KAZN: variants seen among roughly 807,000 people sequenced by gnomAD.
KAZN encodes the protein kazrin.
KAZN carries 40 observed loss-of-function variants against 87.4 expected under a neutral mutation model. That is an observed-to-expected ratio of 0.46 (90% CI 0.36 to 0.60). The LOEUF is 0.60. KAZN is among the 20% of genes least tolerant of loss of function. KAZN has a pLI of 0.00. For synonymous variants in KAZN, 466 were observed against 458.3 expected, an observed-to-expected ratio of 1.02 and a Z score of -0.22; for missense variants, 898 against 1,073.9, an observed-to-expected ratio of 0.84 and a Z score of 2.29.
chr1:15,053,251 C>T (rs763812310), intron 4 of KAZN, among the ~76,000 whole-genome samples: 1 of 152,206 alleles, frequency 6.6e-6, no homozygotes, highest in Non-Finnish European at 1.5e-5. Context: ...GGAGGGAAGG[C>T]AGGTGCCGCC....
At chr1:15,022,574 C>T (rs1670789837) in intron 2 of KAZN, among the ~76,000 whole-genome samples, 1 of 152,156 alleles carries the variant, frequency 6.6e-6, no homozygotes, top group African/African-American at 2.4e-5. Flanking sequence ...CTTCCGTGGA[C>T]ACTCACTCAG....
intron 2 of KAZN, among the ~76,000 whole-genome samples, chr1:14,422,632 G>T (rs1571609647): frequency 6.6e-6 from 1 of 152,210 alleles, no homozygotes; most frequent in African/African-American, 2.4e-5. Flanking sequence ...AACAGACGAT[G>T]CTTTATATTC....
chr1:14,465,608 AG>A (rs938561621), intron 2 of KAZN, among the ~76,000 whole-genome samples: 2 of 152,084 alleles, frequency 1.3e-5, no homozygotes, highest in African/African-American at 4.8e-5. Context: ...CTTGAGACCT[AG>A]CCTCAGAAAT....
intron 1 of KAZN, among the ~76,000 whole-genome samples, chr1:14,015,765 T>G (rs566185012): frequency 8.5e-4 from 129 of 151,502 alleles, no homozygotes; most frequent in African/African-American, 3.0e-3. Context: ...ACATCTACAC[T>G]TTTATGCAAT....
chr1:14,624,686 A>G (rs182260976), intron 1 of KAZN, among the ~76,000 whole-genome samples: 85 of 152,314 alleles, frequency 5.6e-4, no homozygotes, highest in East Asian at 1.9e-3. Flanking sequence ...GAGTTCATTC[A>G]TTTGTTCAAC....
intron 1 of KAZN, among the ~76,000 whole-genome samples, chr1:14,682,675 TG>T (rs1640741767): frequency 6.6e-6 from 1 of 152,100 alleles, no homozygotes; most frequent in Admixed American, 6.5e-5. Flanking sequence ...GAAAAAAAAA[TG>T]TATTCTAAAA....
At chr1:14,208,552 T>C (rs924972397) in intron 2 of KAZN, among the ~76,000 whole-genome samples, 2 of 152,154 alleles carry the variant, frequency 1.3e-5, no homozygotes, top group Admixed American at 1.3e-4. Flanking sequence ...GTGGGAGAGA[T>C]AGATAATAAA....
intron 2 of KAZN, among the ~76,000 whole-genome samples, chr1:15,001,975 G>T (rs1212662646): frequency 2.0e-5 from 3 of 148,530 alleles, no homozygotes; most frequent in Non-Finnish European, 4.4e-5. Context: ...CCGCCTCCTG[G>T]GTTCACGCCA....
intron 2 of KAZN, among the ~76,000 whole-genome samples, chr1:14,539,959 G>T (rs550629484): frequency 6.6e-6 from 1 of 151,992 alleles, no homozygotes; most frequent in Admixed American, 6.6e-5. Flanking sequence ...GTAGACTCCC[G>T]CCATCCCCAT....
intron 7 of KAZN, 87 bp from the exon 8 acceptor site, chr1:15,065,543 G>A: frequency 3.3e-6 from 4 of 1,195,530 alleles, no homozygotes; most frequent in Non-Finnish European, 3.6e-6. Context: ...CCCCACCCCG[G>A]ATCCCATCCA....
chr1:14,816,821 A>C (rs916561772), intron 1 of KAZN, among the ~76,000 whole-genome samples: 1 of 152,186 alleles, frequency 6.6e-6, no homozygotes, highest in African/African-American at 2.4e-5. Context: ...TAGATGGATG[A>C]ATGGATGGAT....
chr1:14,283,594 G>A (rs1653012971), intron 2 of KAZN, among the ~76,000 whole-genome samples: 1 of 152,196 alleles, frequency 6.6e-6, no homozygotes, highest in Non-Finnish European at 1.5e-5. Context: ...GTAATAGCAA[G>A]TGTTGAAGAT....
At chr1:14,872,651 T>C (rs1652267613) in intron 1 of KAZN, among the ~76,000 whole-genome samples, 1 of 152,244 alleles carries the variant, frequency 6.6e-6, no homozygotes, top group Non-Finnish European at 1.5e-5. Flanking sequence ...ATGGTCTTAT[T>C]TCTGGACATC....
chr1:14,859,179 C>G (rs866934792), intron 1 of KAZN, among the ~76,000 whole-genome samples: 1 of 151,450 alleles, frequency 6.6e-6, no homozygotes, highest in African/African-American at 2.4e-5. Context: ...TGCACTCACT[C>G]CAGCCTGGGT....
At chr1:15,044,235 G>T (rs1043114445) in intron 4 of KAZN, 76 bp downstream of exon 4, 2 of 559,752 alleles carry the variant, frequency 3.6e-6, no homozygotes, top group South Asian at 2.6e-5. Context: ...GTCTGGCACC[G>T]ACTCACATCG....
intron 1 of KAZN, among the ~76,000 whole-genome samples, chr1:13,950,184 T>C (rs1304150218): frequency 6.6e-6 from 1 of 151,806 alleles, no homozygotes; most frequent in East Asian, 1.9e-4. Flanking sequence ...GCCTTTGTCA[T>C]TGGGTGCCCA....
At chr1:14,054,118 C>G (rs1457595850) in intron 1 of KAZN, among the ~76,000 whole-genome samples, 4 of 150,220 alleles carry the variant, frequency 2.7e-5, no homozygotes, top group African/African-American at 9.8e-5. Context: ...TAATTGTCTA[C>G]AAGTTGAAAA....
intron 2 of KAZN, among the ~76,000 whole-genome samples, chr1:14,225,316 C>G (rs533624490): frequency 1.3e-5 from 2 of 152,152 alleles, no homozygotes; most frequent in African/African-American, 4.8e-5. Context: ...AGGAATTCAG[C>G]TAACCAGGGA....
At chr1:15,010,320 G>T (rs1669447492) in intron 2 of KAZN, among the ~76,000 whole-genome samples, 1 of 150,022 alleles carries the variant, frequency 6.7e-6, no homozygotes, top group Non-Finnish European at 1.5e-5. Flanking sequence ...TGATTTTTTT[G>T]AAAGACTCCT....
Sources: gnomAD v4.1 joint callset for allele counts (sites outside exome capture counted in the v4.1 genomes callset) on GRCh38, gnomAD v4.1.1 for gene constraint, MANE v1.5 for transcripts, NCBI Gene and HGNC (gene_info 2026-07-23, HGNC 2026-07-21) for gene names.